Variants in CCDC171 observed in about 807,000 individuals in gnomAD.
CCDC171 encodes the protein coiled-coil domain containing 171.
Under a neutral mutation model 168.2 loss-of-function variants are expected in CCDC171, and 177 were observed. That is an observed-to-expected ratio of 1.05 (90% CI 0.93 to 1.19). The LOEUF (loss-of-function observed/expected upper bound fraction) is 1.19, where lower values mean the gene tolerates loss of function less well. Ranked by LOEUF, CCDC171 falls within the 50% of genes most tolerant of loss-of-function variation. CCDC171 has a pLI of 0.00. For missense variants in CCDC171, 1,991 were observed against 1,539.0 expected (o/e 1.29, Z -4.91); for synonymous variants, 687 against 540.8 (o/e 1.27, Z -3.75).
chr9:15,782,254 T>G (rs2057702987), intron 20 of CCDC171, among the ~76,000 whole-genome samples: 1 of 152,238 alleles, frequency 6.6e-6, no homozygotes, highest in Non-Finnish European at 1.5e-5. Flanking sequence ...TTTAATGGTT[T>G]TGGAATACTG....
rs1825163218 is a variant in CCDC171, at chr9:15,920,442, T to C, written c.3753+20T>C. The C allele has an allele frequency of 1.9e-6, 3 of 1,557,302 alleles. No individual in the cohort carries two copies. The highest frequency in any genetic ancestry group is 2.6e-6 in the Non-Finnish European group (3 of 1,142,226). Reference sequence around the variant, plus strand: ...CAATCAGTAAGTCCTTGTCTAACAATATTTTTATAACTTTTTGAATCTTGG... The same window carrying C: ...CAATCAGTAAGTCCTTGTCTAACAACATTTTTATAACTTTTTGAATCTTGG... On this transcript the variant is annotated intron_variant, in intron 25 of 25. Transcript: ENST00000380701.
rs1489336531 is a variant in CCDC171, at chr9:15,578,949, A to G, written c.278A>G (p.Lys93Arg). The change falls in exon 4 of 26, where the codon AAG (lysine) becomes AGG (arginine). Residue 93 changes from lysine (K) to arginine (R), a missense_variant. Lys to Arg is a conservative substitution (Grantham distance 26). Coordinates refer to ENST00000380701, the MANE Select transcript of CCDC171 (RefSeq NM_173550.4). ...SLEYDLAVAR[K>R]EAGLGRRAAE... Reference sequence around the variant, plus strand: ...GAATATGACCTAGCTGTTGCTAGAAAGGAAGCTGGTCTTGGAAGACGGGCT... The same window carrying G: ...GAATATGACCTAGCTGTTGCTAGAAGGGAAGCTGGTCTTGGAAGACGGGCT... 3 of 1,613,984 alleles carry G rather than the reference A, an allele frequency of 1.9e-6. No individual in the cohort carries two copies. Among genetic ancestry groups the G allele is most frequent in the East Asian group, 2.2e-5 (1 of 44,892 alleles).
chr9:16,024,197 CTGACCT>C (rs1487458152), intron 6 of CCDC171, among the ~76,000 whole-genome samples: 1 of 152,138 alleles, frequency 6.6e-6, no homozygotes, highest in East Asian at 1.9e-4. Flanking sequence ...TTTTGGACTT[CTGACCT>C]CCAGAACTTT....
chr9:15,983,815 A>AGTGTGTGT (rs563329483), intron 3 of CCDC171, among the ~76,000 whole-genome samples: 15,845 of 123,792 alleles, frequency 0.13, 1,160 homozygotes, highest in African/African-American at 0.14. Context: ...CTAAATAAAG[A>AGTGTGTGT]GAGTGTGTGT....
At chr9:16,098,005 G>C in the CCDC171 span, among the ~76,000 whole-genome samples, 1 of 152,210 alleles carries the variant, frequency 6.6e-6, no homozygotes, top group South Asian at 2.1e-4. Flanking sequence ...TGCCTACTGT[G>C]AGAAATAAGG....
intron 3 of CCDC171, among the ~76,000 whole-genome samples, chr9:16,016,688 C>T (rs549236409): frequency 1.4e-4 from 22 of 152,222 alleles, no homozygotes; most frequent in Non-Finnish European, 2.5e-4. Flanking sequence ...TTCCCTAATA[C>T]GAAAAACAGG....
chr9:16,025,029 C>T (rs1190922674), intron 6 of CCDC171, among the ~76,000 whole-genome samples: 1 of 152,200 alleles, frequency 6.6e-6, no homozygotes, highest in Non-Finnish European at 1.5e-5. Flanking sequence ...ACTGGTACAG[C>T]CACTTTGGAA....
chr9:15,731,337 A>C (rs1004015144), intron 16 of CCDC171, among the ~76,000 whole-genome samples: 3 of 152,068 alleles, frequency 2.0e-5, no homozygotes, highest in Non-Finnish European at 4.4e-5. Context: ...ATTACCCTAG[A>C]GTGTTCTCAT....
At chr9:15,796,278 A>G (rs1314193202) in intron 21 of CCDC171, among the ~76,000 whole-genome samples, 1 of 152,198 alleles carries the variant, frequency 6.6e-6, no homozygotes, top group Non-Finnish European at 1.5e-5. Context: ...TGAGGAAATA[A>G]CACATAATGC....
intron 3 of CCDC171, among the ~76,000 whole-genome samples, chr9:16,016,714 G>T (rs565946793): frequency 1.6e-4 from 25 of 152,176 alleles, no homozygotes; most frequent in Non-Finnish European, 2.6e-4. Flanking sequence ...ACTTGGGTCT[G>T]CAGAGACATT....
chr9:15,825,337 A>G (rs541469957), intron 21 of CCDC171, among the ~76,000 whole-genome samples: 40 of 152,290 alleles, frequency 2.6e-4, no homozygotes, highest in Non-Finnish European at 4.0e-4. Flanking sequence ...TGTAGGTAGA[A>G]GGGAAATAGG....
intron 6 of CCDC171, among the ~76,000 whole-genome samples, chr9:15,601,608 G>C (rs980438945): frequency 4.6e-5 from 7 of 152,146 alleles, no homozygotes; most frequent in Non-Finnish European, 1.0e-4. Flanking sequence ...TTCTGTCCTC[G>C]AAGATATTTC....
At chr9:15,581,111 A>G (rs2041076302) in intron 4 of CCDC171, among the ~76,000 whole-genome samples, 1 of 152,192 alleles carries the variant, frequency 6.6e-6, no homozygotes, top group South Asian at 2.1e-4. Context: ...GTGTGCAAAA[A>G]TTGCAAGCAT....
intron 21 of CCDC171, among the ~76,000 whole-genome samples, chr9:15,794,060 C>G (rs1406527133): frequency 6.6e-6 from 1 of 151,274 alleles, no homozygotes; most frequent in Non-Finnish European, 1.5e-5. Flanking sequence ...TATCTTGTTT[C>G]CAGTCTTAAA....
At chr9:15,893,882 C>T (rs549525921) in intron 24 of CCDC171, among the ~76,000 whole-genome samples, 147 of 152,072 alleles carry the variant, frequency 9.7e-4, no homozygotes, top group Non-Finnish European at 1.7e-3. Flanking sequence ...CCTCAAAGAC[C>T]TAGAGGCAGA....
intron 21 of CCDC171, among the ~76,000 whole-genome samples, chr9:15,806,683 A>G (rs1049581418): frequency 6.6e-6 from 1 of 151,988 alleles, no homozygotes; most frequent in Non-Finnish European, 1.5e-5. Context: ...AATCTTGGAA[A>G]ATCTGATGAT....
intron 7 of CCDC171, among the ~76,000 whole-genome samples, chr9:15,650,738 T>C: frequency 6.6e-6 from 1 of 152,358 alleles, no homozygotes; most frequent in East Asian, 1.9e-4. Flanking sequence ...TTTGTATTGT[T>C]ACATAAAATT....
chr9:16,041,116 A>G (rs1833565028), upstream of CCDC171, among the ~76,000 whole-genome samples: 1 of 152,226 alleles, frequency 6.6e-6, no homozygotes, highest in Admixed American at 6.5e-5. Flanking sequence ...GTTCAAGATG[A>G]CACTGGGCAA....
rs867177859 is a variant in CCDC171 at position 15,861,116 on chromosome 9, A to T, written c.3468+12169A>T. Among the ~76,000 whole-genome samples the T allele has an allele frequency of 5.1e-4, 78 of 151,952 alleles. 2 individuals are homozygous for T. The highest frequency in any genetic ancestry group is 5.1e-3 in the Admixed American group (78 of 15,230). Reference sequence around the variant, plus strand: ...CACTCCTACTCTTTTTTGGTTACCAAATGGTAACTAATGGAATATCTATTT... The same window carrying T: ...CACTCCTACTCTTTTTTGGTTACCATATGGTAACTAATGGAATATCTATTT... On this transcript the variant is annotated intron_variant, in intron 23 of 25. Transcript: ENST00000380701.
Sources: gnomAD v4.1 joint callset for allele counts (sites outside exome capture counted in the v4.1 genomes callset) on GRCh38, gnomAD v4.1.1 for gene constraint, MANE v1.5 for transcripts, NCBI Gene and HGNC (gene_info 2026-07-23, HGNC 2026-07-21) for gene names.